CCDC144A: variants seen among roughly 807,000 people sequenced by gnomAD.
CCDC144A encodes the protein coiled-coil domain-containing protein 144A.
CCDC144A carries 41 observed loss-of-function variants against 143.8 expected under a neutral mutation model. The observed-to-expected ratio is 0.29, with a 90% CI of 0.22 to 0.37. CCDC144A has a LOEUF of 0.37. Ranked by LOEUF, CCDC144A falls within the 10% of genes least tolerant of loss-of-function variation. The pLI is 1.00. For synonymous variants in CCDC144A, 242 were observed against 517.9 expected, an observed-to-expected ratio of 0.47 and a Z score of 7.23; for missense variants, 637 against 1,488.8, an observed-to-expected ratio of 0.43 and a Z score of 9.41.
At chr17:16,691,145 C>A (rs957175514) in intron 1 of CCDC144A, among the ~76,000 whole-genome samples, 2 of 151,278 alleles carry the variant, frequency 1.3e-5, no homozygotes, top group African/African-American at 4.9e-5. Context: ...GTCAGAAGTT[C>A]GAGACCAGGC....
At chr17:16,681,898 C>G in the CCDC144A span, among the ~76,000 whole-genome samples, 1 of 149,550 alleles carries the variant, frequency 6.7e-6, no homozygotes, top group Non-Finnish European at 1.5e-5. Flanking sequence ...GCTTGGAATT[C>G]TAAAAAATTG....
chr17:16,747,540 A>C (rs1257397040), intron 12 of CCDC144A, among the ~76,000 whole-genome samples: 2 of 152,060 alleles, frequency 1.3e-5, no homozygotes, highest in Admixed American at 1.3e-4. Flanking sequence ...GATTTTTCCA[A>C]TTCATGAGCA....
intron 12 of CCDC144A, among the ~76,000 whole-genome samples, chr17:16,737,222 A>T (rs1914056098): frequency 7.7e-6 from 1 of 130,664 alleles, no homozygotes; most frequent in Non-Finnish European, 1.5e-5. Flanking sequence ...GCTGGAGTGC[A>T]GTGGCGGGAT....
chr17:16,716,749 G>A (rs542365956), intron 6 of CCDC144A, among the ~76,000 whole-genome samples: 13 of 151,256 alleles, frequency 8.6e-5, no homozygotes, highest in African/African-American at 2.9e-4. Context: ...CCAAAACATA[G>A]CACAGATCTA....
At chr17:16,675,590 G>T in the CCDC144A span, among the ~76,000 whole-genome samples, 4 of 151,326 alleles carry the variant, frequency 2.6e-5, no homozygotes, top group African/African-American at 9.7e-5. Context: ...ATTTTTAAAA[G>T]TCTAAATGTA....
At position 16,709,131 on chromosome 17, in the gene CCDC144A, C is replaced by T. The variant is rs749596252; in HGVS notation, c.1074C>T (p.Phe358=). 7.4e-6 allele frequency: 12 copies of T among 1,611,458 alleles called. No homozygotes were observed. The Admixed American group carries it at 1.3e-4, about 18-fold the overall frequency. ...CTGAAATATCTGTCTCAGTGGTATT[C>T]GAGACATTTCCTGAACAAAAAGAAC... The part of the protein sequence containing the change: ...DASEISVSVV[F]ETFPEQKEPS... Residue 358 remains phenylalanine, a synonymous_variant, in exon 5 of 17, where the codon TTC becomes TTT. Coordinates refer to ENST00000399273, the MANE Select transcript of CCDC144A (RefSeq NM_001382000.1).
At chr17:16,773,209 G>T (rs1323639910) in intron 16 of CCDC144A, among the ~76,000 whole-genome samples, 1 of 151,878 alleles carries the variant, frequency 6.6e-6, no homozygotes, top group Non-Finnish European at 1.5e-5. Context: ...AGCACTTTGG[G>T]AGCCTGAGGC....
chr17:16,739,960 G>A lies in CCDC144A; in HGVS notation c.3372+4317G>A, dbSNP rs576291972. 6.0e-5 allele frequency among the ~76,000 whole-genome samples: 9 copies of A among 151,030 alleles called. No homozygotes were observed. The East Asian group carries it at 1.5e-3, about 26-fold the overall frequency. ...ATGACATGATGAGAGTCAGGCTTAC[G>A]AAGACAGATCCCATTAATTTTTTTT... On this transcript the variant is annotated intron_variant, in intron 12 of 16. Transcript: ENST00000399273.
intron 12 of CCDC144A, among the ~76,000 whole-genome samples, chr17:16,747,263 T>C (rs1393240240): frequency 6.6e-6 from 1 of 152,140 alleles, no homozygotes; most frequent in African/African-American, 2.4e-5. Context: ...TCCATTGGTC[T>C]ATGTGTCTGT....
At chr17:16,739,604 A>G (rs960529303) in intron 12 of CCDC144A, among the ~76,000 whole-genome samples, 2 of 147,948 alleles carry the variant, frequency 1.4e-5, no homozygotes, top group African/African-American at 5.0e-5. Flanking sequence ...GGTGAAGTCC[A>G]CCTTTATTCT....
At position 16,707,511 on chromosome 17, in the gene CCDC144A, G is replaced by A; in HGVS notation, c.707G>A (p.Arg236Lys). The change falls in exon 4 of 17, where the codon AGA becomes AAA. Residue 236 changes from arginine (R) to lysine (K), a missense_variant. Arg to Lys is a conservative substitution (Grantham distance 26). Transcript: ENST00000399273. ...CTGACATCAGAGGAAGAGCAAGAAA[G>A]ACTTAAAGGATGCGAAAATAAGCAG... ...SELTSEEEQE[R>K]LKGCENKQPQ... 1.2e-6 allele frequency: 2 copies of A among 1,605,982 alleles called. No individual in the cohort carries two copies. The highest frequency in any genetic ancestry group is 1.7e-5 in the Admixed American group (1 of 58,906).
intron 12 of CCDC144A, among the ~76,000 whole-genome samples, chr17:16,738,419 G>C (rs1408452181): frequency 7.0e-6 from 1 of 142,830 alleles, no homozygotes; most frequent in Non-Finnish European, 1.5e-5. Flanking sequence ...TCACAGAGTT[G>C]CATAACCATC....
the CCDC144A span, among the ~76,000 whole-genome samples, chr17:16,668,241 A>G: frequency 0.11 from 16,816 of 149,944 alleles, 1,101 homozygotes; most frequent in East Asian, 0.31. Flanking sequence ...AATAATTTAT[A>G]TAAATTGATT....
rs544508152 is a variant in CCDC144A, at chr17:16,714,997, A to G, written c.1715+3182A>G. Among the ~76,000 whole-genome samples the G allele has an allele frequency of 2.4e-4, 37 of 152,142 alleles. 1 individual carries two copies. The South Asian group carries it at 7.3e-3, about 30-fold the overall frequency. ...GATAGCCTCCTGGCTTTCTTTTTCC[A>G]TTCCTTCAGTTCTTTACTTAAAAGC... On this transcript the variant is annotated intron_variant, in intron 6 of 16. Coordinates refer to ENST00000399273, the MANE Select transcript of CCDC144A (RefSeq NM_001382000.1).
At chr17:16,682,185 C>T in the CCDC144A span, among the ~76,000 whole-genome samples, 55 of 148,226 alleles carry the variant, frequency 3.7e-4, 1 homozygote, top group Middle Eastern at 0.014. Flanking sequence ...TTTCCATACA[C>T]GACAGATCTG....
At position 16,742,135 on chromosome 17, in the gene CCDC144A, A is replaced by T. The variant is rs2044102776; in HGVS notation, c.3372+6492A>T. ...TTAACCATATTCACCCTACAATGCA[A>T]CAGAACACTAGAATTCATTCCTCCT... On this transcript the variant is annotated intron_variant, in intron 12 of 16. Transcript: ENST00000399273. Among the ~76,000 whole-genome samples the T allele has an allele frequency of 5.9e-5, 9 of 152,152 alleles. No homozygotes were observed. The South Asian group carries it at 1.9e-3, about 31-fold the overall frequency.
chr17:16,728,071 A>G (rs1597563734), intron 9 of CCDC144A, among the ~76,000 whole-genome samples: 1 of 152,280 alleles, frequency 6.6e-6, no homozygotes, highest in East Asian at 1.9e-4. Flanking sequence ...TTATTTGTAG[A>G]CACAGGGTCT....
At chr17:16,747,616 G>T (rs1914597381) in intron 12 of CCDC144A, among the ~76,000 whole-genome samples, 1 of 152,162 alleles carries the variant, frequency 6.6e-6, no homozygotes, top group South Asian at 2.1e-4. Flanking sequence ...GCAGTGTTTT[G>T]TAGTTCTCCT....
chr17:16,721,971 G>C (rs1056784380), intron 8 of CCDC144A, among the ~76,000 whole-genome samples: 2 of 152,160 alleles, frequency 1.3e-5, no homozygotes, highest in East Asian at 3.8e-4. Flanking sequence ...TGGCTTCAGT[G>C]CAATGCTGAC....
Sources: gnomAD v4.1 joint callset for allele counts (sites outside exome capture counted in the v4.1 genomes callset) on GRCh38, gnomAD v4.1.1 for gene constraint, MANE v1.5 for transcripts, NCBI Gene and HGNC (gene_info 2026-07-23, HGNC 2026-07-21) for gene names.